Variants in ULK2 observed in about 807,000 individuals in gnomAD.
The protein encoded by ULK2 is serine/threonine-protein kinase ULK2.
In ULK2, 76 loss-of-function variants were observed where a neutral mutation model predicts 127.5. That is an observed-to-expected ratio of 0.60 (90% CI 0.50 to 0.72). The LOEUF (loss-of-function observed/expected upper bound fraction) is 0.72, where lower values mean the gene tolerates loss of function less well. ULK2 is among the 30% of genes least tolerant of loss of function. The pLI is 0.00. For missense variants in ULK2, 1,144 were observed against 1,295.9 expected (o/e 0.88, Z 1.80); for synonymous variants, 452 against 461.9 (o/e 0.98, Z 0.28).
rs2086749522 is a variant in ULK2, at chr17:19,772,500, G to A, written c.*3849C>T. 6.6e-6 allele frequency: 1 copy of A among 152,190 alleles called. No homozygotes were observed. The highest frequency in any genetic ancestry group is 2.4e-5 in the African/African-American group (1 of 41,426). 9.4% of individuals were successfully genotyped at this position (152,190 alleles called of 1,614,324 possible). ...CTAGAAATAGGCACAGATACTTCCA[G>A]GATGCATGTAACAATACCAAGTTCT... On this transcript the variant is annotated 3_prime_UTR_variant, in exon 27 of 27. Coordinates refer to ENST00000395544, the MANE Select transcript of ULK2 (RefSeq NM_014683.4).
chr17:19,838,464 A>G (rs373125864), intron 10 of ULK2, 37 bp downstream of exon 10: 15 of 1,549,206 alleles, frequency 9.7e-6, no homozygotes, highest in African/African-American at 6.9e-5. Context: ...ATAACAATAA[A>G]ATTAGAAAAC....
At position 19,840,335 on chromosome 17, in the gene ULK2, T is replaced by G. The variant is rs927727423; in HGVS notation, c.704+1154A>C. 20 of 523,814 alleles carry G rather than the reference T, an allele frequency of 3.8e-5. No individual in the cohort carries two copies. In the Admixed American group the frequency reaches 4.2e-4, roughly 11 times the overall value. 32.4% of individuals were successfully genotyped at this position (523,814 alleles called of 1,614,324 possible). On this transcript the variant is annotated intron_variant, in intron 9 of 26. Coordinates refer to ENST00000395544, the MANE Select transcript of ULK2 (RefSeq NM_014683.4). Reference sequence around the variant, plus strand: ...ATCCTGCCTTGATTCGTTGGACCTATGCAAGATCAGCAAATGTCTATCCTA... The same window carrying G: ...ATCCTGCCTTGATTCGTTGGACCTAGGCAAGATCAGCAAATGTCTATCCTA...
chr17:19,861,044 ACAAGAG>A (rs2042231631), intron 3 of ULK2: 1 of 151,550 alleles, frequency 6.6e-6, no homozygotes, highest in Non-Finnish European at 1.5e-5. Flanking sequence ...ACCCTGGGCG[ACAAGAG>A]CAAGACTTCT....
intron 9 of ULK2, chr17:19,840,209 C>G (rs1369599975): frequency 2.0e-6 from 1 of 497,702 alleles, no homozygotes; most frequent in African/African-American, 2.0e-5. Flanking sequence ...TATCTCCGGA[C>G]ACCCGACGGG....
intron 22 of ULK2, among the ~76,000 whole-genome samples, chr17:19,782,939 C>CAAACAAAT (rs540563164): frequency 1.3e-3 from 195 of 151,152 alleles, no homozygotes; most frequent in East Asian, 3.7e-3. Context: ...AACAAACAAA[C>CAAACAAAT]AAATAAATAA....
At chr17:19,849,526 C>T in intron 4 of ULK2, 121 bp from the exon 5 acceptor site, 1 of 1,072,944 alleles carries the variant, frequency 9.3e-7, no homozygotes, top group Non-Finnish European at 1.3e-6. Flanking sequence ...AGCCTAAAAA[C>T]ATTATAGATT....
rs2042340369 is a variant in ULK2, at chr17:19,865,844, AGT to A, written c.91-18_91-17del. On this transcript the variant is annotated splice_polypyrimidine_tract_variant and intron_variant, in intron 1 of 26. Coordinates refer to ENST00000395544, the MANE Select transcript of ULK2 (RefSeq NM_014683.4). The stretch of plus-strand genomic sequence containing the variant: ...AATCAGTTTTCTGAAAAGGAAAAAC[AGT>A]GTTACTCCTAGATACCATTCCACAT... 1 of 1,449,862 alleles carries A rather than the reference AGT, an allele frequency of 6.9e-7. No homozygotes were observed. The allele number at this position is 1,449,862 out of a possible 1,614,324, so 89.8% of individuals were successfully genotyped here. A position where few individuals can be genotyped will look rare whatever the true frequency, so the allele number is the denominator to read the frequency against.
At chr17:19,840,330 A>C (rs1455380490) in intron 9 of ULK2, 2 of 524,966 alleles carry the variant, frequency 3.8e-6, no homozygotes, top group Admixed American at 4.2e-5. Context: ...GATTCGTTGG[A>C]CCTATGCAAG....
chr17:19,852,390 C>G (rs544473710), intron 3 of ULK2, among the ~76,000 whole-genome samples: 2 of 130,958 alleles, frequency 1.5e-5, no homozygotes, highest in Non-Finnish European at 3.3e-5. Context: ...GCATGGTGGC[C>G]GGCGCCTATA....
intron 24 of ULK2, 77 bp downstream of exon 24, chr17:19,780,909 G>T: frequency 1.5e-6 from 2 of 1,333,694 alleles, no homozygotes; most frequent in Non-Finnish European, 2.1e-6. Flanking sequence ...GTACTCATCA[G>T]ACACTCTCTC....
chr17:19,853,293 G>A (rs989419822), intron 3 of ULK2, among the ~76,000 whole-genome samples: 9 of 151,228 alleles, frequency 6.0e-5, no homozygotes, highest in Non-Finnish European at 1.0e-4. Context: ...GCACCACCAC[G>A]CCCAGCTAAT....
intron 7 of ULK2, among the ~76,000 whole-genome samples, chr17:19,845,099 G>T (rs2041849051): frequency 1.3e-5 from 2 of 151,906 alleles, no homozygotes; most frequent in African/African-American, 4.8e-5. Flanking sequence ...AAAACAAATG[G>T]GCAAAAATGA....
In ULK2 at chr17:19,843,154, T is replaced by C; in HGVS notation, c.612A>G (p.Ile204Met). ...KADLWSIGTV[I>M]YQCLVGKPPF... ...GTGGTTTTCCAACTAGGCATTGGTA[T>C]ATCACTGTTCCTATGCTCCACAAGT... Residue 204 changes from isoleucine to methionine, a missense_variant, in exon 8 of 27, where the codon ATA becomes ATG. Physicochemically the swap from Ile to Met is conservative, Grantham distance 10. Transcript: ENST00000395544. 1 of 1,613,564 alleles carries C rather than the reference T, an allele frequency of 6.2e-7. No individual in the cohort carries two copies. The highest frequency in any genetic ancestry group is 2.2e-5 in the East Asian group (1 of 44,828).
At chr17:19,822,093 C>T (rs563911159) in intron 12 of ULK2, among the ~76,000 whole-genome samples, 12 of 151,834 alleles carry the variant, frequency 7.9e-5, no homozygotes, top group Non-Finnish European at 1.8e-4. Flanking sequence ...TCAAGTGATT[C>T]TCCCACCTCA....
chr17:19,774,451 G>C lies in ULK2; in HGVS notation c.*1898C>G, dbSNP rs2086781029. The C allele has an allele frequency of 6.6e-6, 1 of 152,112 alleles. No individual in the cohort carries two copies. The allele number at this position is 152,112 out of a possible 1,614,324, so 9.4% of individuals were successfully genotyped here. Reference sequence around the variant, plus strand: ...TTCATCCTGTCTTAAAAAAGAAATGGGAGAGGAAGAGGAGAGGATAGAATA... The same window carrying C: ...TTCATCCTGTCTTAAAAAAGAAATGCGAGAGGAAGAGGAGAGGATAGAATA... On this transcript the variant is annotated 3_prime_UTR_variant, in exon 27 of 27. Coordinates refer to ENST00000395544, the MANE Select transcript of ULK2 (RefSeq NM_014683.4).
chr17:19,854,007 A>G (rs1190461749), intron 3 of ULK2, among the ~76,000 whole-genome samples: 1 of 152,130 alleles, frequency 6.6e-6, no homozygotes, highest in African/African-American at 2.4e-5. Flanking sequence ...AACATATGAA[A>G]GCCAATTCTG....
chr17:19,857,552 T>G (rs922815554), intron 3 of ULK2, among the ~76,000 whole-genome samples: 6 of 152,214 alleles, frequency 3.9e-5, no homozygotes, highest in Admixed American at 3.3e-4. Context: ...CTCAGTTTTA[T>G]GAGCACCACC....
intron 20 of ULK2, among the ~76,000 whole-genome samples, chr17:19,793,988 A>T (rs2087211790): frequency 6.6e-6 from 1 of 152,220 alleles, no homozygotes; most frequent in African/African-American, 2.4e-5. Context: ...ATGCAAGAAC[A>T]GATAGGTAAT....
chr17:19,823,419 C>T (rs2041209640), intron 12 of ULK2, among the ~76,000 whole-genome samples: 1 of 152,052 alleles, frequency 6.6e-6, no homozygotes, highest in South Asian at 2.1e-4. Flanking sequence ...TCCAGTTCAA[C>T]GTCCTCCCTA....
Sources: gnomAD v4.1 joint callset for allele counts (sites outside exome capture counted in the v4.1 genomes callset) on GRCh38, gnomAD v4.1.1 for gene constraint, MANE v1.5 for transcripts, NCBI Gene and HGNC (gene_info 2026-07-23, HGNC 2026-07-21) for gene names.